Variants in EFL1 observed in about 807,000 individuals in gnomAD.
EFL1 encodes elongation factor-like GTPase 1.
Under a neutral mutation model 126.7 loss-of-function variants are expected in EFL1, and 76 were observed. The ratio of observed to expected loss-of-function variants is 0.60; its 90% CI spans 0.50 to 0.73. The LOEUF is 0.73. Ranked by LOEUF, EFL1 falls within the 30% of genes least tolerant of loss-of-function variation. EFL1 has a pLI of 0.00. For synonymous variants in EFL1, 410 were observed against 448.4 expected (o/e 0.91, Z 1.08); for missense variants, 1,128 against 1,343.2 (o/e 0.84, Z 2.50).
Position 82,151,538 on chromosome 15 carries a change from T to C in EFL1, c.2916A>G (p.Ala972=). 1 of 1,614,140 alleles carries C rather than the reference T, an allele frequency of 6.2e-7. No homozygotes were observed. The highest frequency in any genetic ancestry group is 8.5e-7 in the Non-Finnish European group (1 of 1,180,024). The change falls in exon 18 of 20, where the codon GCA becomes GCG. Residue 972 remains alanine, a synonymous_variant. Transcript: ENST00000268206. The part of the protein sequence containing the change: ...IATMKEACRY[A]LQVKPQRLMA... The stretch of plus-strand genomic sequence containing the variant: ...TCAGGCGCTGAGGTTTCACTTGCAG[T>C]GCATAGCGACATGCTTCTTTCATGG...
chr15:82,232,190 A>C (rs1014446615), intron 7 of EFL1, among the ~76,000 whole-genome samples: 1 of 152,192 alleles, frequency 6.6e-6, no homozygotes, highest in African/African-American at 2.4e-5. Flanking sequence ...TAACCTTAGA[A>C]GGGAGCCCTA....
Position 82,130,362 on chromosome 15 carries a change from G to C in EFL1, c.*11C>G. On this transcript the variant is annotated 3_prime_UTR_variant, in exon 20 of 20. Transcript: ENST00000268206. ...TCACTATAAGGAAAAGAATCCACCAGTAGTAGGTAGCTACTTATTTTTGCT... is the reference window on the plus strand; with the variant it reads ...TCACTATAAGGAAAAGAATCCACCACTAGTAGGTAGCTACTTATTTTTGCT... 6.2e-7 allele frequency: 1 copy of C among 1,613,370 alleles called. No individual in the cohort carries two copies. The highest frequency in any genetic ancestry group is 2.2e-5 in the East Asian group (1 of 44,882).
intron 4 of EFL1, among the ~76,000 whole-genome samples, chr15:82,250,416 G>C (rs1441345153): frequency 1.6e-5 from 2 of 125,484 alleles, no homozygotes; most frequent in Non-Finnish European, 3.3e-5. Flanking sequence ...CCCAAGCGCA[G>C]CCAATCCATA....
At chr15:82,169,877 G>A (rs968597671) in intron 15 of EFL1, among the ~76,000 whole-genome samples, 8 of 152,034 alleles carry the variant, frequency 5.3e-5, no homozygotes, top group African/African-American at 1.2e-4. Context: ...GCACAGTTGC[G>A]GTCTTCACAG....
At chr15:82,165,878 G>A (rs1347338679) in intron 15 of EFL1, among the ~76,000 whole-genome samples, 1 of 152,148 alleles carries the variant, frequency 6.6e-6, no homozygotes, top group East Asian at 1.9e-4. Flanking sequence ...AAAGTTTCTA[G>A]GATGTTAAAT....
intron 15 of EFL1, among the ~76,000 whole-genome samples, chr15:82,197,230 T>A (rs1296215289): frequency 6.6e-6 from 1 of 151,894 alleles, no homozygotes; most frequent in Non-Finnish European, 1.5e-5. Flanking sequence ...TGTTTAGAGC[T>A]AAAAAAAATG....
At chr15:82,214,923 G>A in intron 14 of EFL1, 68 bp from the exon 15 acceptor site, 1 of 1,518,610 alleles carries the variant, frequency 6.6e-7, no homozygotes, top group Non-Finnish European at 8.8e-7. Flanking sequence ...TATTTGTAAA[G>A]TTACTTCTAT....
At chr15:82,245,254 C>T (rs1182881694) in intron 4 of EFL1, among the ~76,000 whole-genome samples, 1 of 151,982 alleles carries the variant, frequency 6.6e-6, no homozygotes, top group Non-Finnish European at 1.5e-5. Flanking sequence ...TGGGCTCAAG[C>T]GATCCTCCTG....
At chr15:82,189,015 G>A (rs1222366171) in intron 15 of EFL1, among the ~76,000 whole-genome samples, 2 of 148,942 alleles carry the variant, frequency 1.3e-5, no homozygotes, top group African/African-American at 2.5e-5. Flanking sequence ...GCAACCTTAA[G>A]CAATTTAATC....
intron 15 of EFL1, among the ~76,000 whole-genome samples, chr15:82,183,676 G>A (rs533435108): frequency 7.3e-4 from 111 of 152,304 alleles, no homozygotes; most frequent in Non-Finnish European, 1.3e-3. Context: ...CTGAGGCACT[G>A]AATATTTAGC....
intron 16 of EFL1, among the ~76,000 whole-genome samples, chr15:82,158,432 G>A (rs2141236249): frequency 6.6e-6 from 1 of 152,142 alleles, no homozygotes; most frequent in African/African-American, 2.4e-5. Context: ...GCTTTTTCCT[G>A]GGAGTTGAGA....
intron 18 of EFL1, among the ~76,000 whole-genome samples, chr15:82,146,752 C>T (rs2073850655): frequency 6.6e-6 from 1 of 152,094 alleles, no homozygotes; most frequent in Non-Finnish European, 1.5e-5. Context: ...AACCCACATA[C>T]ACACAGTTGC....
intron 7 of EFL1, among the ~76,000 whole-genome samples, chr15:82,234,324 G>C (rs1318065366): frequency 6.6e-6 from 1 of 152,140 alleles, no homozygotes; most frequent in Non-Finnish European, 1.5e-5. Context: ...AGAAAGTCTT[G>C]AAATCATCTT....
intron 19 of EFL1, among the ~76,000 whole-genome samples, chr15:82,137,019 ATT>A (rs35359986): frequency 1.6e-4 from 23 of 146,330 alleles, no homozygotes; most frequent in African/African-American, 3.2e-4. Flanking sequence ...TAAGAATGTG[ATT>A]TTTTTTTTTT....
At chr15:82,179,920 C>T (rs1010938352) in intron 15 of EFL1, among the ~76,000 whole-genome samples, 2 of 152,060 alleles carry the variant, frequency 1.3e-5, no homozygotes, top group Non-Finnish European at 2.9e-5. Flanking sequence ...AGCAAAAGTG[C>T]TGGGCAAATA....
intron 15 of EFL1, among the ~76,000 whole-genome samples, chr15:82,210,725 G>A (rs1183798676): frequency 1.3e-5 from 2 of 151,992 alleles, no homozygotes; most frequent in Non-Finnish European, 2.9e-5. Flanking sequence ...AGCCTGGCGT[G>A]ATGGTGGTTG....
At chr15:82,225,388 C>A in intron 11 of EFL1, 124 bp from the exon 12 acceptor site, 1 of 647,066 alleles carries the variant, frequency 1.5e-6, no homozygotes, top group South Asian at 3.5e-5. Flanking sequence ...CACCAGAAGT[C>A]CATAACTTTT....
At chr15:82,223,915 T>G (rs1292057221) in intron 12 of EFL1, among the ~76,000 whole-genome samples, 1 of 152,216 alleles carries the variant, frequency 6.6e-6, no homozygotes, top group Non-Finnish European at 1.5e-5. Context: ...ATTCCTTTAC[T>G]TATCCCCAGG....
intron 17 of EFL1, among the ~76,000 whole-genome samples, chr15:82,154,972 AC>A (rs1205802943): frequency 1.3e-5 from 2 of 152,108 alleles, no homozygotes; most frequent in Non-Finnish European, 2.9e-5. Context: ...ATGTTACCCA[AC>A]CTGGTGCACT....
Sources: allele counts gnomAD v4.1 joint callset (sites outside exome capture counted in the v4.1 genomes callset), GRCh38; gene constraint gnomAD v4.1.1; transcripts MANE v1.5; gene names NCBI Gene and HGNC (gene_info 2026-07-23, HGNC 2026-07-21).